The following PRKAR1A variants were observed in gnomAD, a reference collection of about 807,000 sequenced individuals.
PRKAR1A encodes the protein protein kinase cAMP-dependent type I regulatory subunit alpha.
In PRKAR1A, 3 loss-of-function variants were observed where a neutral mutation model predicts 52.0. That is an observed-to-expected ratio of 0.06 (90% CI 0.03 to 0.15). PRKAR1A has a LOEUF of 0.15. Among genes scored for constraint, PRKAR1A ranks in the 10% least tolerant of loss-of-function variants. The probability of loss-of-function intolerance (pLI) is 1.00; values close to 1 mark genes in which losing one functional copy is unlikely to be tolerated. For missense variants in PRKAR1A, 240 were observed against 477.4 expected (o/e 0.50, Z 4.63); for synonymous variants, 188 against 168.4 (o/e 1.12, Z -0.90).
chr17:68,526,656 A>G (rs1057378100), intron 7 of PRKAR1A, among the ~76,000 whole-genome samples: 1 of 152,184 alleles, frequency 6.6e-6, no homozygotes, highest in Non-Finnish European at 1.5e-5. Context: ...TTCTAAGCAA[A>G]ATAACACAGG....
intron 11 of PRKAR1A, chr17:68,540,925 C>T: frequency 6.3e-7 from 1 of 1,599,494 alleles, no homozygotes; most frequent in Non-Finnish European, 8.5e-7. Flanking sequence ...AGATCTGTTT[C>T]ACTGTGTCAC....
the PRKAR1A span, among the ~76,000 whole-genome samples, chr17:68,441,721 A>G: frequency 2.0e-5 from 3 of 152,236 alleles, no homozygotes; most frequent in Non-Finnish European, 2.9e-5. Context: ...CCAGGCCACA[A>G]CCTCAGGTAA....
At chr17:68,502,503 C>A in the PRKAR1A span, among the ~76,000 whole-genome samples, 1 of 152,144 alleles carries the variant, frequency 6.6e-6, no homozygotes, top group Admixed American at 6.5e-5. Flanking sequence ...GTAATCCCAG[C>A]ACTTTTGGAG....
chr17:68,501,502 C>T, the PRKAR1A span, among the ~76,000 whole-genome samples: 816 of 152,336 alleles, frequency 5.4e-3, 4 homozygotes, highest in Non-Finnish European at 9.6e-3. Flanking sequence ...ATTGCCCAGG[C>T]TGGAGTGCAG....
At chr17:68,504,835 T>C in the PRKAR1A span, among the ~76,000 whole-genome samples, 1 of 152,156 alleles carries the variant, frequency 6.6e-6, no homozygotes, top group Non-Finnish European at 1.5e-5. Context: ...AAGAGTATAA[T>C]TGTAAAGGAT....
intron 11 of PRKAR1A, among the ~76,000 whole-genome samples, chr17:68,547,311 G>A (rs2086616626): frequency 6.6e-6 from 1 of 152,120 alleles, no homozygotes; most frequent in African/African-American, 2.4e-5. Context: ...TAGGGTACAT[G>A]TGCACAACAT....
chr17:68,532,975 A>C lies in PRKAR1A; in HGVS notation c.*2526A>C. On this transcript the variant is annotated 3_prime_UTR_variant, in exon 11 of 11. Transcript: ENST00000589228. ...GCTTAAAGGGTAATTGAGATGTAGC[A>C]GATTTATTTACTTAGTCATGGAAAG... The C allele has an allele frequency of 1.9e-6, 2 of 1,065,966 alleles. No individual in the cohort carries two copies. Among genetic ancestry groups the C allele is most frequent in the East Asian group, 9.9e-5 (2 of 20,108 alleles). 66.0% of individuals were successfully genotyped at this position (1,065,966 alleles called of 1,614,324 possible).
downstream of PRKAR1A, chr17:68,537,416 G>A (rs2286555): frequency 4.1e-5 from 65 of 1,604,658 alleles, no homozygotes; most frequent in East Asian, 5.8e-4. The surrounding 1 kb of genome is among the most constrained non-coding windows in gnomAD (Gnocchi z 4.2). Context: ...ACGCAGGGTC[G>A]GCACTCGAGT....
intron 3 of PRKAR1A, 116 bp downstream of exon 3, chr17:68,523,042 T>C: frequency 7.8e-7 from 1 of 1,276,456 alleles, no homozygotes; most frequent in Non-Finnish European, 1.1e-6. Flanking sequence ...TCATCCATCC[T>C]GTACAATTCT....
chr17:68,526,986 G>A (rs2143339491), intron 7 of PRKAR1A, among the ~76,000 whole-genome samples: 1 of 152,348 alleles, frequency 6.6e-6, no homozygotes, highest in African/African-American at 2.4e-5. Flanking sequence ...TTGAAGTGAT[G>A]TGACAGTCTA....
chr17:68,519,617 T>A (rs1274475046), intron 2 of PRKAR1A, among the ~76,000 whole-genome samples: 7 of 152,206 alleles, frequency 4.6e-5, no homozygotes, highest in Admixed American at 2.0e-4. Flanking sequence ...TCTCATCACC[T>A]TCTTCGTCAT....
the PRKAR1A span, chr17:68,450,769 T>C: frequency 6.2e-7 from 1 of 1,613,338 alleles, no homozygotes; most frequent in Non-Finnish European, 8.5e-7. Flanking sequence ...CTGGAGTAGC[T>C]GTAATTACAG....
chr17:68,442,062 T>C, the PRKAR1A span, among the ~76,000 whole-genome samples: 1,545 of 152,272 alleles, frequency 0.01, 32 homozygotes, highest in African/African-American at 0.036. Flanking sequence ...GGAACACAAA[T>C]AGCCCTGCAC....
chr17:68,457,406 C>A, the PRKAR1A span: 2 of 1,518,118 alleles, frequency 1.3e-6, no homozygotes, highest in South Asian at 1.2e-5. Context: ...GGAGCGTCCG[C>A]GGCCTCGGCC....
At chr17:68,541,185 G>A (rs537381065) in intron 11 of PRKAR1A, 13 of 554,766 alleles carry the variant, frequency 2.3e-5, no homozygotes, top group Admixed American at 9.5e-5. Flanking sequence ...CTAAACCCAT[G>A]GTTGGGATAC....
intron 11 of PRKAR1A, chr17:68,540,062 C>T: frequency 1.9e-6 from 2 of 1,052,340 alleles, no homozygotes; most frequent in Non-Finnish European, 2.9e-6. Flanking sequence ...CCTGTCATCA[C>T]TTGAGAGACA....
At chr17:68,517,690 A>G (rs1243843485) in intron 2 of PRKAR1A, among the ~76,000 whole-genome samples, 1 of 152,214 alleles carries the variant, frequency 6.6e-6, no homozygotes, top group Non-Finnish European at 1.5e-5. Context: ...GGGTGTGGAC[A>G]CAGCCAAACC....
At chr17:68,528,806 T>G in intron 8 of PRKAR1A, 64 bp from the exon 9 acceptor site, 2 of 1,595,630 alleles carry the variant, frequency 1.3e-6, no homozygotes, top group East Asian at 2.2e-5. Context: ...TCTTTATACT[T>G]TCTTTTTACC....
At chr17:68,516,420 T>G (rs1288771481) in intron 2 of PRKAR1A, among the ~76,000 whole-genome samples, 1 of 152,062 alleles carries the variant, frequency 6.6e-6, no homozygotes, top group Non-Finnish European at 1.5e-5. Context: ...CTTGTGCATG[T>G]GGAAGTTATG....
Sources: allele counts gnomAD v4.1 joint callset (sites outside exome capture counted in the v4.1 genomes callset), GRCh38; gene constraint gnomAD v4.1.1; non-coding constraint Gnocchi (gnomAD v3.1); transcripts MANE v1.5; gene names NCBI Gene and HGNC (gene_info 2026-07-23, HGNC 2026-07-21).